The following B4GALT5 variants were observed in gnomAD, a reference collection of about 807,000 sequenced individuals.
B4GALT5 encodes UDP-Gal:beta-GlcNAc beta-1,4-galactosyltransferase 5.
B4GALT5 carries 11 observed loss-of-function variants against 45.0 expected under a neutral mutation model. That is an observed-to-expected ratio of 0.24 (90% CI 0.15 to 0.40). The LOEUF (loss-of-function observed/expected upper bound fraction) is 0.40, where lower values mean the gene tolerates loss of function less well. Among genes scored for constraint, B4GALT5 ranks in the 10% least tolerant of loss-of-function variants. The pLI is 1.00. For missense variants in B4GALT5, 337 were observed against 500.2 expected (o/e 0.67, Z 3.11); for synonymous variants, 185 against 182.9 (o/e 1.01, Z -0.09).
At chr20:49,700,271 A>G (rs374666511) in intron 1 of B4GALT5, among the ~76,000 whole-genome samples, 17 of 152,138 alleles carry the variant, frequency 1.1e-4, no homozygotes, top group African/African-American at 4.1e-4. Context: ...TTGGTTTACA[A>G]CAACAACAAC....
chr20:49,713,579 T>C lies in B4GALT5; in HGVS notation c.112A>G (p.Ile38Val). 2 of 1,576,146 alleles carry C rather than the reference T, an allele frequency of 1.3e-6. No individual in the cohort carries two copies. The highest frequency in any genetic ancestry group is 8.6e-7 in the Non-Finnish European group (1 of 1,162,004). The change falls in exon 1 of 9, where the codon ATA becomes GTA. Residue 38 changes from isoleucine (I) to valine (V), a missense_variant. Transcript: ENST00000371711. ...CGGTCCCAAGCCCCCTTCCTACCTATGCCGGGCGCCACATAGACGAAGTAC... is the reference window on the plus strand; with the variant it reads ...CGGTCCCAAGCCCCCTTCCTACCTACGCCGGGCGCCACATAGACGAAGTAC... ...LLYFVYVAPG[I>V]VNTYLFMMQA...
At chr20:49,701,287 AC>A (rs2085860460) in intron 1 of B4GALT5, among the ~76,000 whole-genome samples, 1 of 152,116 alleles carries the variant, frequency 6.6e-6, no homozygotes. Context: ...GCCTTTAATC[AC>A]CATTTTTATC....
chr20:49,662,739 A>G (rs1245803706), intron 1 of B4GALT5, among the ~76,000 whole-genome samples: 2 of 152,106 alleles, frequency 1.3e-5, no homozygotes, highest in Non-Finnish European at 2.9e-5. Flanking sequence ...ATGTTCTGTT[A>G]CTCTCATTCC....
chr20:49,702,838 G>C (rs1289435778), intron 1 of B4GALT5, among the ~76,000 whole-genome samples: 1 of 150,810 alleles, frequency 6.6e-6, no homozygotes. Context: ...ATGGGCAACA[G>C]AGCGAGAGTC....
chr20:49,702,728 A>C (rs2085867404), intron 1 of B4GALT5, among the ~76,000 whole-genome samples: 1 of 151,920 alleles, frequency 6.6e-6, no homozygotes, highest in East Asian at 1.9e-4. Context: ...GCTGGCACGC[A>C]CTGGTGGTCT....
chr20:49,655,626 TG>T lies in B4GALT5; in HGVS notation c.250+941del, dbSNP rs2085639404. On this transcript the variant is annotated intron_variant, in intron 2 of 8. Transcript: ENST00000371711. ...TTACTTCCTTCCTGTATTCAGTTTT[TG>T]AAAGAGTTGAAAAGAAAGAGCCCTG... is the stretch of plus-strand genomic sequence containing the variant. Among the ~76,000 whole-genome samples the T allele has an allele frequency of 2.0e-5, 3 of 151,886 alleles. No homozygotes were observed. In the South Asian group the frequency reaches 6.2e-4, roughly 32 times the overall value.
At chr20:49,671,960 C>T (rs2085717943) in intron 1 of B4GALT5, among the ~76,000 whole-genome samples, 1 of 152,050 alleles carries the variant, frequency 6.6e-6, no homozygotes, top group African/African-American at 2.4e-5. Flanking sequence ...TGCTCCAGAC[C>T]CTAATAATTC....
chr20:49,687,035 T>C (rs892308315), intron 1 of B4GALT5, among the ~76,000 whole-genome samples: 7 of 152,208 alleles, frequency 4.6e-5, no homozygotes, highest in Admixed American at 4.6e-4. Flanking sequence ...TTTAGGCCAG[T>C]AGTTCTCAAT....
At chr20:49,686,194 C>T (rs1600549712) in intron 1 of B4GALT5, among the ~76,000 whole-genome samples, 2 of 152,326 alleles carry the variant, frequency 1.3e-5, no homozygotes, top group Middle Eastern at 6.8e-3. Context: ...CCATTCTAAT[C>T]TTCTAAGCTG....
At chr20:49,677,786 C>A (rs59199007) in intron 1 of B4GALT5, among the ~76,000 whole-genome samples, 1 of 152,196 alleles carries the variant, frequency 6.6e-6, no homozygotes, top group Non-Finnish European at 1.5e-5. Flanking sequence ...CACTCTAACG[C>A]CCTGGCTGGA....
intron 1 of B4GALT5, among the ~76,000 whole-genome samples, chr20:49,677,340 C>A (rs1393347210): frequency 5.3e-5 from 8 of 152,154 alleles, no homozygotes; most frequent in Non-Finnish European, 1.0e-4. Flanking sequence ...CCACCCTCTG[C>A]ACACCATCCC....
intron 1 of B4GALT5, among the ~76,000 whole-genome samples, chr20:49,690,638 A>G (rs1600551941): frequency 6.6e-6 from 1 of 152,164 alleles, no homozygotes; most frequent in Non-Finnish European, 1.5e-5. Context: ...AATACTTACA[A>G]AAAGTTGCAA....
Position 49,712,907 on chromosome 20 carries a change from C to A in B4GALT5, c.115+669G>T, listed in dbSNP as rs552598966. On this transcript the variant is annotated intron_variant, in intron 1 of 8. Transcript: ENST00000371711. ...TAGCAGGAGATTGAATGGGGGTGGA[C>A]CTCTGTAAGGGGAAGGGGGGTGCCA... Among the ~76,000 whole-genome samples the A allele has an allele frequency of 1.3e-4, 19 of 147,620 alleles. 1 individual carries two copies. In the East Asian group the frequency reaches 3.8e-3, roughly 30 times the overall value.
chr20:49,669,622 G>C (rs1001360460), intron 1 of B4GALT5, among the ~76,000 whole-genome samples: 2 of 151,740 alleles, frequency 1.3e-5, no homozygotes, highest in African/African-American at 4.9e-5. Context: ...CTTGAACCTG[G>C]GAGGCGGATG....
intron 1 of B4GALT5, among the ~76,000 whole-genome samples, chr20:49,668,850 G>T (rs2085703590): frequency 1.3e-5 from 2 of 151,632 alleles, no homozygotes; most frequent in South Asian, 4.2e-4. Context: ...ACGTGCTTTT[G>T]TGACACCCGC....
At position 49,656,611 on chromosome 20, in the gene B4GALT5, A is replaced by C. The variant is rs2085644184; in HGVS notation, c.207T>G (p.Leu69=). Residue 69 remains leucine, a synonymous_variant, in exon 2 of 9, where the codon CTT becomes CTG. Transcript: ENST00000371711. ...TGTTCCTCTTGGCATAAGCACTCCG[A>C]AGCACCTGCTCATAAACCTGAGCAC... is the stretch of plus-strand genomic sequence containing the variant. The part of the protein sequence containing the change: ...TIGAQVYEQV[L]RSAYAKRNSS... 1.2e-6 allele frequency: 2 copies of C among 1,614,064 alleles called. No homozygotes were observed. Among genetic ancestry groups the C allele is most frequent in the African/African-American group, 2.7e-5 (2 of 74,910 alleles).
At chr20:49,652,083 AAAAC>A (rs1206551240) in intron 2 of B4GALT5, among the ~76,000 whole-genome samples, 3 of 152,168 alleles carry the variant, frequency 2.0e-5, no homozygotes, top group African/African-American at 4.8e-5. Flanking sequence ...TCTCAAAACA[AAAAC>A]AAACAAACAA....
At chr20:49,682,756 T>C (rs529861278) in intron 1 of B4GALT5, among the ~76,000 whole-genome samples, 225 of 113,206 alleles carry the variant, frequency 2.0e-3, no homozygotes, top group African/African-American at 6.4e-3. Flanking sequence ...ATTTGTTAAA[T>C]GTAGTTAAGA....
At chr20:49,641,101 C>T (rs1186828927) in intron 5 of B4GALT5, among the ~76,000 whole-genome samples, 1 of 151,634 alleles carries the variant, frequency 6.6e-6, no homozygotes, top group Non-Finnish European at 1.5e-5. Context: ...GGCGACAGAG[C>T]AAGACTCCAT....
Sources: gnomAD v4.1 joint callset for allele counts (sites outside exome capture counted in the v4.1 genomes callset) on GRCh38, gnomAD v4.1.1 for gene constraint, MANE v1.5 for transcripts, NCBI Gene and HGNC (gene_info 2026-07-23, HGNC 2026-07-21) for gene names.